Variants in PIP5K1B observed in about 807,000 individuals in gnomAD.
The protein encoded by PIP5K1B is phosphatidylinositol-4-phosphate 5-kinase type 1 beta.
PIP5K1B carries 42 observed loss-of-function variants against 67.0 expected under a neutral mutation model. That is an observed-to-expected ratio of 0.63 (90% confidence interval 0.49 to 0.81). The LOEUF is 0.81. Among genes scored for constraint, PIP5K1B ranks in the 30% least tolerant of loss-of-function variants. The pLI is 0.00. For missense variants in PIP5K1B, 459 were observed against 646.3 expected (o/e 0.71, Z 3.14); for synonymous variants, 214 against 231.4 (o/e 0.92, Z 0.68).
intron 7 of PIP5K1B, among the ~76,000 whole-genome samples, chr9:68,890,093 C>T (rs1824703036): frequency 6.6e-6 from 1 of 152,266 alleles, no homozygotes; most frequent in African/African-American, 2.4e-5. Flanking sequence ...CAAAAGGGCT[C>T]CAGAGAATGC....
At chr9:68,748,523 TA>T (rs767182003) in intron 2 of PIP5K1B, among the ~76,000 whole-genome samples, 3 of 152,126 alleles carry the variant, frequency 2.0e-5, no homozygotes, top group Non-Finnish European at 2.9e-5. Flanking sequence ...TGTGCCATCA[TA>T]ATTTTTACAG....
chr9:68,794,969 A>G (rs1415547302), intron 2 of PIP5K1B, among the ~76,000 whole-genome samples: 1 of 152,196 alleles, frequency 6.6e-6, no homozygotes, highest in Non-Finnish European at 1.5e-5. Context: ...ACCAGCAGGG[A>G]AAAATGCCTT....
Position 68,863,911 on chromosome 9 carries a change from A to C in PIP5K1B, c.144A>C (p.Pro48=). 1 of 1,613,922 alleles carries C rather than the reference A, an allele frequency of 6.2e-7. No individual in the cohort carries two copies. The highest frequency in any genetic ancestry group is 2.2e-5 in the East Asian group (1 of 44,874). The change falls in exon 5 of 16, where the codon CCA becomes CCC. Residue 48 remains proline, a synonymous_variant. Transcript: ENST00000265382. ...CAGTGGGTAATCTCACTTCCAAGCC[A>C]GAACGAGATGTTCTTATGCAAGACT... ...GYTVGNLTSK[P]ERDVLMQDFY...
chr9:68,847,699 G>C (rs1822267998), intron 4 of PIP5K1B, among the ~76,000 whole-genome samples: 1 of 152,108 alleles, frequency 6.6e-6, no homozygotes, highest in Non-Finnish European at 1.5e-5. Flanking sequence ...ACATGGCAGA[G>C]GGCTGTGATA....
chr9:68,754,141 ATTAAT>A (rs1013984272), intron 2 of PIP5K1B, among the ~76,000 whole-genome samples: 3 of 124,360 alleles, frequency 2.4e-5, no homozygotes, highest in African/African-American at 9.3e-5. Flanking sequence ...GAATCATTTT[ATTAAT>A]TTAAGTCTTC....
At chr9:68,790,058 T>G (rs1301127352) in intron 2 of PIP5K1B, among the ~76,000 whole-genome samples, 1 of 152,174 alleles carries the variant, frequency 6.6e-6, no homozygotes, top group Non-Finnish European at 1.5e-5. Flanking sequence ...GACAACCAGT[T>G]TGACCCTTCC....
intron 15 of PIP5K1B, among the ~76,000 whole-genome samples, chr9:69,002,006 G>A (rs573837060): frequency 1.3e-3 from 195 of 152,272 alleles, no homozygotes; most frequent in Non-Finnish European, 1.7e-3. Flanking sequence ...CCCAGGAGAC[G>A]GCACAGACGA....
chr9:68,709,585 C>G (rs1180602294), intron 1 of PIP5K1B, among the ~76,000 whole-genome samples: 2 of 152,072 alleles, frequency 1.3e-5, no homozygotes, highest in African/African-American at 4.8e-5. Context: ...ATGTGCATCA[C>G]CAGACTCAGA....
intron 8 of PIP5K1B, among the ~76,000 whole-genome samples, chr9:68,909,166 G>A (rs754608570): frequency 2.0e-5 from 3 of 152,044 alleles, no homozygotes; most frequent in Admixed American, 6.5e-5. Context: ...AAAATAGCAC[G>A]CTAAACTTTA....
chr9:68,899,165 A>G (rs1224855232), intron 8 of PIP5K1B, among the ~76,000 whole-genome samples: 1 of 151,982 alleles, frequency 6.6e-6, no homozygotes, highest in Non-Finnish European at 1.5e-5. Context: ...TTTTTTATGC[A>G]TGCCTCACTC....
At chr9:68,800,672 A>G (rs1832550999) in intron 2 of PIP5K1B, among the ~76,000 whole-genome samples, 1 of 152,198 alleles carries the variant, frequency 6.6e-6, no homozygotes, top group Non-Finnish European at 1.5e-5. Flanking sequence ...CACGCTCTGT[A>G]TCTGCTGTTG....
At chr9:68,724,343 C>G (rs1156831026) in intron 1 of PIP5K1B, among the ~76,000 whole-genome samples, 1 of 150,808 alleles carries the variant, frequency 6.6e-6, no homozygotes, top group Non-Finnish European at 1.5e-5. Flanking sequence ...CAGCTTGGTT[C>G]TTTTTGCTCA....
intron 14 of PIP5K1B, among the ~76,000 whole-genome samples, chr9:68,964,310 T>C (rs1390376371): frequency 6.6e-6 from 1 of 152,228 alleles, no homozygotes; most frequent in African/African-American, 2.4e-5. Flanking sequence ...AAAAGGATGA[T>C]TATGATGCCA....
intron 14 of PIP5K1B, among the ~76,000 whole-genome samples, chr9:68,990,623 G>A (rs1260984384): frequency 6.7e-6 from 1 of 148,744 alleles, no homozygotes; most frequent in African/African-American, 2.5e-5. Context: ...GGTATCTCGT[G>A]TGCTGGTAGA....
At chr9:69,001,502 G>A (rs906581200) in intron 15 of PIP5K1B, among the ~76,000 whole-genome samples, 10 of 152,036 alleles carry the variant, frequency 6.6e-5, no homozygotes, top group South Asian at 2.1e-4. Flanking sequence ...AAAGGAAAGC[G>A]GTTTAATTAA....
At chr9:69,002,881 G>A (rs1001753216) in intron 15 of PIP5K1B, among the ~76,000 whole-genome samples, 6 of 152,204 alleles carry the variant, frequency 3.9e-5, no homozygotes, top group Non-Finnish European at 8.8e-5. Context: ...TACTTAGGAG[G>A]CTAAGGCACG....
In PIP5K1B at chr9:68,967,655, A is replaced by G. The variant is rs144150581; in HGVS notation, c.1503-23485A>G. Reference sequence around the variant, plus strand: ...CTACAGGGTGAGAATCCAGCAGTTCAGGGAATCTGTCACGCCATGCTTTCA... The same window carrying G: ...CTACAGGGTGAGAATCCAGCAGTTCGGGGAATCTGTCACGCCATGCTTTCA... On this transcript the variant is annotated intron_variant, in intron 14 of 15. Coordinates refer to ENST00000265382, the MANE Select transcript of PIP5K1B (RefSeq NM_003558.4). 2.6e-3 allele frequency among the ~76,000 whole-genome samples: 392 copies of G among 152,302 alleles called. 2 individuals are homozygous for G. The highest frequency in any genetic ancestry group is 0.014 in the Middle Eastern group (4 of 294).
intron 15 of PIP5K1B, among the ~76,000 whole-genome samples, chr9:69,000,628 G>A (rs1339420186): frequency 6.6e-6 from 1 of 152,080 alleles, no homozygotes; most frequent in Non-Finnish European, 1.5e-5. Context: ...CCCCCTGTAC[G>A]TGTCTGTATC....
At chr9:69,004,295 G>A (rs1186760895) in intron 15 of PIP5K1B, among the ~76,000 whole-genome samples, 1 of 151,752 alleles carries the variant, frequency 6.6e-6, no homozygotes, top group Non-Finnish European at 1.5e-5. Flanking sequence ...TCAGTGCATA[G>A]GCAAAAATGC....
Sources: allele counts gnomAD v4.1 joint callset (sites outside exome capture counted in the v4.1 genomes callset), GRCh38; gene constraint gnomAD v4.1.1; transcripts MANE v1.5; gene names NCBI Gene and HGNC (gene_info 2026-07-23, HGNC 2026-07-21).